IPCEF1: variants seen among roughly 807,000 people sequenced by gnomAD.
IPCEF1 encodes the protein interaction protein for cytohesin exchange factors 1, also known as interactor protein for cytohesin exchange factors 1.
In IPCEF1, 31 loss-of-function variants were observed where a neutral mutation model predicts 50.9. The observed-to-expected ratio is 0.61, with a 90% CI of 0.46 to 0.82. IPCEF1 has a LOEUF of 0.82. Among genes scored for constraint, IPCEF1 ranks in the 40% least tolerant of loss-of-function variants. The pLI, the probability that IPCEF1 is intolerant of heterozygous loss-of-function variation, is 0.00. For synonymous variants in IPCEF1, 181 were observed against 192.0 expected (o/e 0.94, Z 0.47); for missense variants, 458 against 514.0 (o/e 0.89, Z 1.05).
chr6:154,269,485 T>C (rs1273540465), intron 2 of IPCEF1, among the ~76,000 whole-genome samples: 2 of 152,140 alleles, frequency 1.3e-5, no homozygotes, highest in Non-Finnish European at 2.9e-5. Context: ...TCTTTTCTTT[T>C]CCTTTCTTTT....
At chr6:154,266,077 A>G in intron 2 of IPCEF1, 113 bp from the exon 3 acceptor site, 2 of 661,388 alleles carry the variant, frequency 3.0e-6, no homozygotes. Flanking sequence ...CAATTTTACA[A>G]TAAAAGTAAT....
At chr6:154,209,349 ACT>A (rs923602105) in intron 9 of IPCEF1, among the ~76,000 whole-genome samples, 1 of 152,040 alleles carries the variant, frequency 6.6e-6, no homozygotes, top group Non-Finnish European at 1.5e-5. Flanking sequence ...AGCTCAATTC[ACT>A]CTCTGCATAA....
chr6:154,166,660 G>A (rs6939625), intron 11 of IPCEF1, among the ~76,000 whole-genome samples: 14,831 of 152,080 alleles, frequency 0.098, 1,250 homozygotes, highest in African/African-American at 0.24. Context: ...TTTCTACACC[G>A]GTAGAGTCCA....
intron 2 of IPCEF1, among the ~76,000 whole-genome samples, chr6:154,278,670 C>A (rs1209894328): frequency 1.3e-5 from 2 of 152,008 alleles, no homozygotes; most frequent in Non-Finnish European, 2.9e-5. Flanking sequence ...GCCAAAGATT[C>A]TCATTATCAC....
At chr6:154,211,640 G>A (rs1235367746) in intron 9 of IPCEF1, among the ~76,000 whole-genome samples, 2 of 152,046 alleles carry the variant, frequency 1.3e-5, no homozygotes, top group African/African-American at 4.8e-5. Context: ...TGAAGGTGAT[G>A]GATAAATCTG....
At chr6:154,247,564 G>C in intron 3 of IPCEF1, 76 bp from the exon 4 acceptor site, 19 of 1,232,428 alleles carry the variant, frequency 1.5e-5, no homozygotes, top group African/African-American at 5.9e-5. Context: ...AAGGAGGGAG[G>C]AGGTGGCAGT....
In IPCEF1 at chr6:154,188,812, T is replaced by C. The variant is rs544365918; in HGVS notation, c.910+10856A>G. Among the ~76,000 whole-genome samples the C allele has an allele frequency of 2.0e-5, 3 of 152,288 alleles. No homozygotes were observed. The South Asian group carries it at 6.2e-4, about 32-fold the overall frequency. Reference sequence around the variant, plus strand: ...ATACTAGGAAAATTATATTTGCATATGGAGTAAGATGATATTGTATCTCAT... The same window carrying C: ...ATACTAGGAAAATTATATTTGCATACGGAGTAAGATGATATTGTATCTCAT... On this transcript the variant is annotated intron_variant, in intron 10 of 11. Coordinates refer to ENST00000367220, the MANE Select transcript of IPCEF1 (RefSeq NM_001130700.2).
At chr6:154,278,824 T>C in intron 2 of IPCEF1, among the ~76,000 whole-genome samples, 1 of 151,708 alleles carries the variant, frequency 6.6e-6, no homozygotes, top group Non-Finnish European at 1.5e-5. Flanking sequence ...ATAATTACAA[T>C]TAAAAAGTGG....
intron 1 of IPCEF1, among the ~76,000 whole-genome samples, chr6:154,344,742 CT>C (rs1304808301): frequency 6.6e-6 from 1 of 152,118 alleles, no homozygotes; most frequent in African/African-American, 2.4e-5. Context: ...AAACTTTGCC[CT>C]TTTTTTCTCA....
In IPCEF1 at chr6:154,159,787, G is replaced by T. The variant is rs765546416; in HGVS notation, c.*41C>A. On this transcript the variant is annotated 3_prime_UTR_variant, in exon 12 of 12. Transcript: ENST00000367220. ...AGCTTTTGCAACATCTTGAAGAGTT[G>T]CTTGTGATAAAATATAAGAGGAGAA... 2.7e-6 allele frequency: 4 copies of T among 1,472,132 alleles called. No individual in the cohort carries two copies. Among genetic ancestry groups the T allele is most frequent in the Non-Finnish European group, 3.8e-6 (4 of 1,060,414 alleles). 91.2% of individuals were successfully genotyped at this position (1,472,132 alleles called of 1,614,324 possible).
intron 7 of IPCEF1, among the ~76,000 whole-genome samples, chr6:154,214,699 A>G (rs1038332060): frequency 1.3e-5 from 2 of 152,222 alleles, no homozygotes; most frequent in African/African-American, 4.8e-5. Context: ...AAATGTACGA[A>G]AAGATCATCC....
chr6:154,331,325 A>G (rs1783654171), intron 1 of IPCEF1, among the ~76,000 whole-genome samples: 1 of 147,962 alleles, frequency 6.8e-6, no homozygotes, highest in African/African-American at 2.6e-5. Flanking sequence ...AAGAAGAAGA[A>G]GAAGGGAGGA....
At chr6:154,229,150 T>C (rs1165334060) in intron 5 of IPCEF1, among the ~76,000 whole-genome samples, 1 of 152,242 alleles carries the variant, frequency 6.6e-6, no homozygotes, top group African/African-American at 2.4e-5. Context: ...TGGTTGTTTG[T>C]CTGCTTCTCC....
intron 1 of IPCEF1, among the ~76,000 whole-genome samples, chr6:154,335,012 A>G (rs1057274289): frequency 6.6e-6 from 1 of 152,024 alleles, no homozygotes; most frequent in African/African-American, 2.4e-5. Flanking sequence ...CTCCCTGTAA[A>G]ACCAAGAATA....
chr6:154,223,214 C>T lies in IPCEF1; in HGVS notation c.276G>A (p.Leu92=). ...ATGCTCTTTCCACAGTGAAATCAGG[C>T]AGGTTGACAAATCCATCAGCTTTCT... ...MAEKADGFVN[L]PDFTVERASE... Residue 92 remains leucine, a synonymous_variant, in exon 6 of 12, where the codon CTG becomes CTA. Coordinates refer to ENST00000367220, the MANE Select transcript of IPCEF1 (RefSeq NM_001130700.2). 6.2e-7 allele frequency: 1 copy of T among 1,613,644 alleles called. No homozygotes were observed. Among genetic ancestry groups the T allele is most frequent in the Non-Finnish European group, 8.5e-7 (1 of 1,179,940 alleles).
chr6:154,350,291 C>A (rs1784099011), intron 1 of IPCEF1, among the ~76,000 whole-genome samples: 1 of 152,088 alleles, frequency 6.6e-6, no homozygotes, highest in Non-Finnish European at 1.5e-5. Flanking sequence ...AATAAATATC[C>A]CCCCCAAATA....
At chr6:154,350,364 A>G (rs1417046610) in intron 1 of IPCEF1, among the ~76,000 whole-genome samples, 2 of 152,236 alleles carry the variant, frequency 1.3e-5, no homozygotes, top group Admixed American at 1.3e-4. Flanking sequence ...ATCACTATCT[A>G]GACTCCATTT....
chr6:154,303,260 C>G lies in IPCEF1; in HGVS notation c.-61-13504G>C, dbSNP rs901457446. ...GTGCATACCACCACGCCCGGGTAAT[C>G]TTTGTATTTTTAGTAGAGACGGGGT... On this transcript the variant is annotated intron_variant, in intron 1 of 11. Coordinates refer to ENST00000367220, the MANE Select transcript of IPCEF1 (RefSeq NM_001130700.2). Among the ~76,000 whole-genome samples, 13 of 151,856 alleles carry G rather than the reference C, an allele frequency of 8.6e-5. No individual in the cohort carries two copies. In the East Asian group the frequency reaches 2.3e-3, roughly 27 times the overall value.
chr6:154,246,603 A>C lies in IPCEF1; in HGVS notation c.234T>G (p.Tyr78Ter). The change falls in exon 5 of 12, where the codon TAT (tyrosine) becomes TAG (stop). Residue 78 changes from tyrosine (Y) to a stop codon, truncating the protein, a stop_gained. Transcript: ENST00000367220. LOFTEE classifies it high-confidence loss of function. Reference protein sequence around the residue: ...VILKGSSLYWYSNQMAEKADG... With the variant: ...VILKGSSLYW ...AAAGCAGACTCACCATTTGATTGCTATACCAGTACAGTGACGACCCCTTCA... is the reference window on the plus strand; with the variant it reads ...AAAGCAGACTCACCATTTGATTGCTCTACCAGTACAGTGACGACCCCTTCA... 5.0e-6 allele frequency: 8 copies of C among 1,613,268 alleles called. No homozygotes were observed. Among genetic ancestry groups the C allele is most frequent in the Non-Finnish European group, 6.8e-6 (8 of 1,179,518 alleles).
Sources: gnomAD v4.1 joint callset for allele counts (sites outside exome capture counted in the v4.1 genomes callset) on GRCh38, gnomAD v4.1.1 for gene constraint, MANE v1.5 for transcripts, NCBI Gene and HGNC (gene_info 2026-07-23, HGNC 2026-07-21) for gene names.